The following IGBP1 variants were observed in gnomAD, a reference collection of about 807,000 sequenced individuals.
IGBP1 encodes immunoglobulin-binding protein 1.
Under a neutral mutation model 25.9 loss-of-function variants are expected in IGBP1, and 2 were observed. The ratio of observed to expected loss-of-function variants is 0.08; its 90% CI spans 0.03 to 0.24. The LOEUF (loss-of-function observed/expected upper bound fraction) is 0.24, where lower values mean the gene tolerates loss of function less well. IGBP1 is among the 10% of genes least tolerant of loss of function. IGBP1 has a pLI of 1.00. For missense variants in IGBP1, 187 were observed against 260.4 expected (o/e 0.72, Z 1.94); for synonymous variants, 96 against 93.4 (o/e 1.03, Z -0.16).
At chrX:70,160,820 G>A (rs1046087209) in intron 6 of IGBP1, among the ~76,000 whole-genome samples, 10 of 111,994 alleles carry the variant, frequency 8.9e-5, no homozygotes, top group African/African-American at 2.6e-4. Context: ...TTATATTGGT[G>A]GAGTGTCAAA....
At chrX:70,137,224 G>A (rs183156871) in intron 3 of IGBP1, among the ~76,000 whole-genome samples, 2 of 111,274 alleles carry the variant, frequency 1.8e-5, no homozygotes, top group East Asian at 5.7e-4. Context: ...GAGATAGAAG[G>A]AAGCAGCAAG....
At chrX:70,154,233 AT>A (rs1247924231) in intron 6 of IGBP1, among the ~76,000 whole-genome samples, 57 of 100,318 alleles carry the variant, frequency 5.7e-4, no homozygotes, top group Admixed American at 6.5e-4. Flanking sequence ...CACCCGGCTA[AT>A]TTTTTTTTTT....
rs1569422654 is a variant in IGBP1, at chrX:70,146,836, T to G, written c.678+8T>G. ...AGAGACTCTTCAAGAGAGGTAAGCC[T>G]GGCCAGAGAAATCTACTGCCAGAGA... On this transcript the variant is annotated splice_region_variant and intron_variant, in intron 4 of 6. Transcript: ENST00000356413. 8.6e-7 allele frequency: 1 copy of G among 1,159,744 alleles called. No individual in the cohort carries two copies.
intron 6 of IGBP1, among the ~76,000 whole-genome samples, chrX:70,158,034 C>T (rs2085251334): frequency 8.9e-6 from 1 of 112,366 alleles, no homozygotes; most frequent in Non-Finnish European, 1.9e-5. Flanking sequence ...CAAGATCCAG[C>T]AGTTATTGGC....
intron 3 of IGBP1, among the ~76,000 whole-genome samples, chrX:70,142,267 G>T (rs1236139047): frequency 8.1e-5 from 9 of 111,613 alleles, no homozygotes; most frequent in Non-Finnish European, 5.6e-5. Context: ...AGAGGTTGAG[G>T]CTGCAGTGAG....
chrX:70,144,454 C>T (rs769007876), intron 3 of IGBP1, among the ~76,000 whole-genome samples: 17 of 110,729 alleles, frequency 1.5e-4, no homozygotes, highest in Non-Finnish European at 3.0e-4. Flanking sequence ...TGGAGTTAAA[C>T]ATTCTCAAGT....
Position 70,165,925 on chromosome X carries a change from G to C in IGBP1, c.964G>C (p.Asp322His). 1 of 1,210,001 alleles carries C rather than the reference G, an allele frequency of 8.3e-7. No individual in the cohort carries two copies. The highest frequency in any genetic ancestry group is 1.1e-6 in the Non-Finnish European group (1 of 894,116). Residue 322 changes from aspartate (D) to histidine (H), a missense_variant, in exon 7 of 7, where the codon GAT becomes CAT. Asp to His is a moderately conservative substitution (Grantham distance 81). Transcript: ENST00000356413. ...EQTLHRAREWDDWKDTHPRGY... is the reference protein window; with the variant it reads ...EQTLHRAREWHDWKDTHPRGY... ...AACACTCCACAGAGCCCGGGAGTGG[G>C]ATGACTGGAAGGACACCCATCCTAG...
At chrX:70,138,480 CAAAAA>C (rs35566042) in intron 3 of IGBP1, among the ~76,000 whole-genome samples, 2 of 54,494 alleles carry the variant, frequency 3.7e-5, no homozygotes, top group African/African-American at 7.6e-5. Context: ...GACCCTGTCT[CAAAAA>C]AAAAAAAAAA....
chrX:70,162,661 A>G (rs924785643), intron 6 of IGBP1, among the ~76,000 whole-genome samples: 1 of 112,523 alleles, frequency 8.9e-6, no homozygotes, highest in African/African-American at 3.2e-5. Flanking sequence ...TAAGAAGTTG[A>G]TTTAAATAGT....
At position 70,162,984 on chromosome X, in the gene IGBP1, A is replaced by G. The variant is rs1044724037; in HGVS notation, c.872-2849A>G. On this transcript the variant is annotated intron_variant, in intron 6 of 6. Coordinates refer to ENST00000356413, the MANE Select transcript of IGBP1 (RefSeq NM_001551.3). ...GCAAGACTCCTTTGTCTCAAAAATA[A>G]TAATAATAGTTGCAACTGGCTGAAA... Among the ~76,000 whole-genome samples the G allele has an allele frequency of 4.5e-5, 5 of 110,672 alleles. No individual in the cohort carries two copies. In the Admixed American group the frequency reaches 4.8e-4, roughly 11 times the overall value.
intron 3 of IGBP1, among the ~76,000 whole-genome samples, chrX:70,144,728 C>T (rs1351557224): frequency 4.3e-5 from 4 of 93,425 alleles, no homozygotes; most frequent in East Asian, 3.3e-4. Context: ...GGCACGATCT[C>T]GGCTCACTGC....
At chrX:70,139,324 A>G (rs1049962408) in intron 3 of IGBP1, among the ~76,000 whole-genome samples, 11 of 111,310 alleles carry the variant, frequency 9.9e-5, no homozygotes, top group East Asian at 2.8e-4. Flanking sequence ...AAAAAAAAAA[A>G]AAAAGAAAAG....
chrX:70,153,291 G>T (rs1342758781), intron 6 of IGBP1, among the ~76,000 whole-genome samples: 2 of 111,901 alleles, frequency 1.8e-5, no homozygotes, highest in Admixed American at 1.9e-4. Flanking sequence ...CAGAAAATTG[G>T]CATTAGAGAA....
intron 3 of IGBP1, among the ~76,000 whole-genome samples, chrX:70,135,424 T>G (rs932105142): frequency 9.0e-6 from 1 of 111,525 alleles, no homozygotes; most frequent in East Asian, 2.8e-4. Flanking sequence ...GCATACAATC[T>G]GGTGAGGAAA....
chrX:70,152,800 G>GA (rs765514063), intron 6 of IGBP1, among the ~76,000 whole-genome samples: 2 of 111,160 alleles, frequency 1.8e-5, no homozygotes, highest in Non-Finnish European at 3.8e-5. Flanking sequence ...TATCCAATTT[G>GA]AAAAAAAAGA....
At chrX:70,143,460 T>C (rs913824847) in intron 3 of IGBP1, among the ~76,000 whole-genome samples, 2 of 112,481 alleles carry the variant, frequency 1.8e-5, no homozygotes, top group Non-Finnish European at 3.8e-5. Context: ...GGGTGACCAC[T>C]CAGCCAAAGT....
rs184287653 is a variant in IGBP1, at chrX:70,148,580, C to A, written c.679-181C>A. On this transcript the variant is annotated intron_variant, in intron 4 of 6. Coordinates refer to ENST00000356413, the MANE Select transcript of IGBP1 (RefSeq NM_001551.3). ...TTCTTTTTTGCAAGGTACTCAGGCC[C>A]CCTCAGGAGAGCTAAGGAATCTCTA... is the stretch of plus-strand genomic sequence containing the variant. 18 of 447,259 alleles carry A rather than the reference C, an allele frequency of 4.0e-5. No individual in the cohort carries two copies. In the African/African-American group the frequency reaches 4.2e-4, roughly 10 times the overall value. 36.9% of individuals were successfully genotyped at this position (447,259 alleles called of 1,213,427 possible). A position where few individuals can be genotyped will look rare whatever the true frequency, so the allele number is the denominator to read the frequency against.
At chrX:70,159,736 C>T (rs994740378) in intron 6 of IGBP1, among the ~76,000 whole-genome samples, 6 of 111,102 alleles carry the variant, frequency 5.4e-5, no homozygotes, top group Non-Finnish European at 9.4e-5. Flanking sequence ...GTTCCAGACG[C>T]TCAGACCCCA....
intron 6 of IGBP1, among the ~76,000 whole-genome samples, chrX:70,161,834 A>G (rs766208510): frequency 8.9e-6 from 1 of 111,766 alleles, no homozygotes; most frequent in East Asian, 2.8e-4. Flanking sequence ...TGGGGTGTTA[A>G]AGGAACACAA....
Sources: gnomAD v4.1 joint callset for allele counts (sites outside exome capture counted in the v4.1 genomes callset) on GRCh38, gnomAD v4.1.1 for gene constraint, MANE v1.5 for transcripts, NCBI Gene and HGNC (gene_info 2026-07-23, HGNC 2026-07-21) for gene names.